ADRA1B: variants seen among roughly 807,000 people sequenced by gnomAD.
ADRA1B encodes alpha-1B adrenergic receptor.
A neutral mutation model predicts 17.9 loss-of-function variants in ADRA1B; 17 were observed. The ratio of observed to expected loss-of-function variants is 0.95; its 90% CI spans 0.65 to 1.42. The LOEUF (loss-of-function observed/expected upper bound fraction) is 1.42. ADRA1B is among the 40% of genes most tolerant of loss of function. The probability of loss-of-function intolerance (pLI) is 0.00; values close to 1 mark genes in which losing one functional copy is unlikely to be tolerated. For missense variants in ADRA1B, 681 were observed against 722.1 expected (o/e 0.94, Z 0.65); for synonymous variants, 366 against 327.6 (o/e 1.12, Z -1.27).
At chr5:159,895,215 T>C (rs1294657024) in intron 1 of ADRA1B, among the ~76,000 whole-genome samples, 1 of 152,198 alleles carries the variant, frequency 6.6e-6, no homozygotes, top group Admixed American at 6.5e-5. Flanking sequence ...CACAAGACAC[T>C]ACCCTTCTAG....
At chr5:159,911,709 G>A (rs1388534300), upstream of ADRA1B, among the ~76,000 whole-genome samples, 1 of 152,164 alleles carries the variant, frequency 6.6e-6, no homozygotes, top group Non-Finnish European at 1.5e-5. Context: ...CCTCTGACCT[G>A]CTGCCTTTGG....
intron 1 of ADRA1B, among the ~76,000 whole-genome samples, chr5:159,902,881 C>T (rs1754118052): frequency 6.6e-6 from 1 of 152,208 alleles, no homozygotes; most frequent in African/African-American, 2.4e-5. Flanking sequence ...GGGGGTTTTC[C>T]TTCCTCCTAT....
chr5:159,955,171 A>G (rs1000593292), intron 1 of ADRA1B: 5 of 985,266 alleles, frequency 5.1e-6, no homozygotes, highest in Non-Finnish European at 6.0e-6. Context: ...CACCCTGGAG[A>G]TGGTGTACCA....
intron 1 of ADRA1B, chr5:159,870,133 A>G (rs1265783854): frequency 5.3e-5 from 8 of 152,258 alleles, no homozygotes; most frequent in Admixed American, 5.2e-4. Context: ...CCATGATAGC[A>G]TATAACAGAG....
intron 1 of ADRA1B, among the ~76,000 whole-genome samples, chr5:159,935,650 C>T (rs988053528): frequency 2.0e-4 from 30 of 152,182 alleles, no homozygotes; most frequent in African/African-American, 6.7e-4. Flanking sequence ...GGGTTCAAGC[C>T]ATTCTCAGGC....
At position 159,879,459 on chromosome 5, in the gene ADRA1B, C is replaced by A. The variant is rs557746682; in HGVS notation, c.-256+14253C>A. Among the ~76,000 whole-genome samples the A allele has an allele frequency of 4.6e-5, 7 of 152,318 alleles. No homozygotes were observed. The South Asian group carries it at 8.3e-4, about 18-fold the overall frequency. On this transcript the variant is annotated intron_variant, in intron 1 of 2. Coordinates refer to the ADRA1B transcript ENST00000641205. ...ATAATTCCAGCCCCCTCTCCAGCAG[C>A]CAGGACTATAAATAAAGATTCCCTG...
chr5:159,869,221 A>G (rs1448202544), intron 1 of ADRA1B: 1 of 152,152 alleles, frequency 6.6e-6, no homozygotes, highest in Non-Finnish European at 1.5e-5. Context: ...ACTCTATTCC[A>G]CCCTGGACAA....
intron 1 of ADRA1B, among the ~76,000 whole-genome samples, chr5:159,875,121 G>A (rs559472401): frequency 2.9e-4 from 44 of 152,252 alleles, no homozygotes; most frequent in African/African-American, 1.0e-3. Flanking sequence ...AGCCACACTG[G>A]CATTTAGATA....
chr5:159,942,344 A>T (rs1755158447), intron 1 of ADRA1B, among the ~76,000 whole-genome samples: 1 of 152,202 alleles, frequency 6.6e-6, no homozygotes, highest in Non-Finnish European at 1.5e-5. Context: ...AATTTATGGT[A>T]TGGGAATTAT....
intron 1 of ADRA1B, among the ~76,000 whole-genome samples, chr5:159,866,516 G>A (rs1045431149): frequency 1.3e-5 from 2 of 151,792 alleles, no homozygotes; most frequent in Non-Finnish European, 2.9e-5. Flanking sequence ...GAACCCGGGA[G>A]GCGGAGGTTG....
downstream of ADRA1B, among the ~76,000 whole-genome samples, chr5:159,976,523 C>G (rs1755976593): frequency 6.6e-6 from 1 of 151,614 alleles, no homozygotes; most frequent in Admixed American, 6.6e-5. Context: ...GAAAATTAGC[C>G]AGGCGTGGTG....
At chr5:159,979,389 T>C in the ADRA1B span, among the ~76,000 whole-genome samples, 1 of 152,186 alleles carries the variant, frequency 6.6e-6, no homozygotes, top group Non-Finnish European at 1.5e-5. Flanking sequence ...GTCATGAAGA[T>C]CAGTTACACT....
intron 1 of ADRA1B, 83 bp downstream of exon 1, chr5:159,917,937 G>T: frequency 8.2e-7 from 1 of 1,221,202 alleles, no homozygotes; most frequent in East Asian, 2.3e-5. Flanking sequence ...GTTTTTTGTG[G>T]GTTTTGTTTC....
chr5:159,936,852 C>G (rs1404834937), intron 1 of ADRA1B, among the ~76,000 whole-genome samples: 1 of 152,194 alleles, frequency 6.6e-6, no homozygotes, highest in Non-Finnish European at 1.5e-5. Flanking sequence ...CTCTGACTCA[C>G]CCCAGGCTCA....
At chr5:159,939,371 A>G (rs1755063269) in intron 1 of ADRA1B, among the ~76,000 whole-genome samples, 2 of 148,734 alleles carry the variant, frequency 1.3e-5, no homozygotes, top group Non-Finnish European at 3.0e-5. Flanking sequence ...GCCCAAGGTA[A>G]ATTGCTGACC....
rs1295296975 is a variant in ADRA1B, at chr5:159,972,674, C to T, written c.*182C>T. ...GCAGGGGCATGGGTGCCAGGTACCA[C>T]GCGGAAAGCCGGGCCGAGCATGCTG... On this transcript the variant is annotated 3_prime_UTR_variant, in exon 2 of 2. Transcript: ENST00000306675. 4 of 707,184 alleles carry T rather than the reference C, an allele frequency of 5.7e-6. No individual in the cohort carries two copies. The East Asian group carries it at 1.0e-4, about 18-fold the overall frequency. The allele number at this position is 707,184 out of a possible 1,614,324, so 43.8% of individuals were successfully genotyped here.
At chr5:159,979,346 G>A in the ADRA1B span, among the ~76,000 whole-genome samples, 1 of 152,096 alleles carries the variant, frequency 6.6e-6, no homozygotes, top group African/African-American at 2.4e-5. Flanking sequence ...TTCTTATTCT[G>A]GAAAATGAGA....
chr5:159,958,530 C>T (rs979105163), intron 1 of ADRA1B, among the ~76,000 whole-genome samples: 1 of 152,122 alleles, frequency 6.6e-6, no homozygotes, highest in African/African-American at 2.4e-5. Flanking sequence ...CCACTCTTAC[C>T]ATTCCTCTTT....
At chr5:159,975,364 G>T (rs912536201), downstream of ADRA1B, among the ~76,000 whole-genome samples, 14 of 152,144 alleles carry the variant, frequency 9.2e-5, no homozygotes, top group African/African-American at 3.1e-4. Context: ...TTCAAGTCTT[G>T]GCTCTGCATG....
Sources: allele counts gnomAD v4.1 joint callset (sites outside exome capture counted in the v4.1 genomes callset), GRCh38; gene constraint gnomAD v4.1.1; transcripts MANE v1.5; gene names NCBI Gene and HGNC (gene_info 2026-07-23, HGNC 2026-07-21).